Variants in TAF2 observed in about 807,000 individuals in gnomAD.
The protein encoded by TAF2 is transcription initiation factor TFIID subunit 2.
TAF2 carries 61 observed loss-of-function variants against 138.5 expected under a neutral mutation model. The observed-to-expected ratio is 0.44, with a 90% CI of 0.36 to 0.54. The LOEUF (loss-of-function observed/expected upper bound fraction) is 0.54. Among genes scored for constraint, TAF2 ranks in the 20% least tolerant of loss-of-function variants. TAF2 has a pLI of 0.00. For missense variants in TAF2, 1,090 were observed against 1,427.9 expected, an observed-to-expected ratio of 0.76 and a Z score of 3.81; for synonymous variants, 475 against 469.9, an observed-to-expected ratio of 1.01 and a Z score of -0.14.
chr8:119,762,912 G>A, intron 18 of TAF2: 2 of 201,224 alleles, frequency 9.9e-6, no homozygotes, highest in East Asian at 1.3e-4. Flanking sequence ...AGAGAAGGAA[G>A]CCACTAAAAA....
intron 18 of TAF2, among the ~76,000 whole-genome samples, chr8:119,770,845 C>T (rs1246097228): frequency 2.0e-5 from 3 of 152,132 alleles, no homozygotes; most frequent in African/African-American, 7.2e-5. Flanking sequence ...AGACTGAGGG[C>T]GGACTGCCTG....
intron 16 of TAF2, 144 bp from the exon 17 acceptor site, chr8:119,781,337 AT>A: frequency 2.0e-6 from 2 of 1,025,626 alleles, no homozygotes; most frequent in African/African-American, 1.6e-5. Context: ...ACAATTTAGC[AT>A]TTTATCACCA....
chr8:119,791,229 C>T (rs1823407130), intron 11 of TAF2, 95 bp downstream of exon 11: 2 of 1,451,244 alleles, frequency 1.4e-6, no homozygotes, highest in Admixed American at 3.8e-5. Context: ...ACTATAAATC[C>T]AGATGTCCTG....
chr8:119,760,559 C>T (rs1164593715), intron 20 of TAF2, 40 bp downstream of exon 20: 1 of 1,605,918 alleles, frequency 6.2e-7, no homozygotes, highest in Admixed American at 1.7e-5. Context: ...GTAAATAGTT[C>T]TTTCTAAAAT....
chr8:119,770,583 A>C, intron 18 of TAF2, among the ~76,000 whole-genome samples: 1 of 152,150 alleles, frequency 6.6e-6, no homozygotes, highest in African/African-American at 2.4e-5. Context: ...CCTATAATAA[A>C]TGCTCAAAGG....
intron 18 of TAF2, 146 bp from the exon 19 acceptor site, chr8:119,762,754 C>T: frequency 1.5e-6 from 1 of 646,004 alleles, no homozygotes; most frequent in Non-Finnish European, 2.6e-6. Context: ...TTCAACTCCA[C>T]CCTTTGCATG....
intron 2 of TAF2, among the ~76,000 whole-genome samples, chr8:119,823,226 T>G (rs752770246): frequency 6.6e-6 from 1 of 152,180 alleles, no homozygotes; most frequent in Non-Finnish European, 1.5e-5. Context: ...CTTGAAAAAG[T>G]AGAATATGTT....
intron 20 of TAF2, among the ~76,000 whole-genome samples, chr8:119,759,283 A>G (rs926547748): frequency 6.6e-6 from 1 of 152,146 alleles, no homozygotes; most frequent in African/African-American, 2.4e-5. Context: ...GGGTCAACAC[A>G]TAAGAATATA....
chr8:119,774,313 G>A (rs925654015), intron 18 of TAF2, among the ~76,000 whole-genome samples: 1 of 152,040 alleles, frequency 6.6e-6, no homozygotes, highest in Non-Finnish European at 1.5e-5. Flanking sequence ...CTGACTTAGA[G>A]AAAGATAACT....
chr8:119,803,786 T>C, intron 5 of TAF2, 92 bp downstream of exon 5: 1 of 1,204,684 alleles, frequency 8.3e-7, no homozygotes, highest in Non-Finnish European at 1.2e-6. Flanking sequence ...ATAAAACTAG[T>C]ATTTCTTGTT....
At chr8:119,733,271 G>A (rs962539148) in intron 25 of TAF2, among the ~76,000 whole-genome samples, 10 of 152,098 alleles carry the variant, frequency 6.6e-5, no homozygotes, top group African/African-American at 2.4e-4. Context: ...AATTTCTAGG[G>A]ATAGACAAAT....
chr8:119,762,660 A>T (rs1821147383), intron 18 of TAF2, 52 bp from the exon 19 acceptor site: 1 of 1,463,424 alleles, frequency 6.8e-7, no homozygotes, highest in South Asian at 1.3e-5. Context: ...CTTCTGATCA[A>T]AATTAACAAA....
At chr8:119,745,442 A>T (rs1819894316) in intron 23 of TAF2, among the ~76,000 whole-genome samples, 2 of 152,218 alleles carry the variant, frequency 1.3e-5, no homozygotes, top group African/African-American at 4.8e-5. Context: ...CATAACCCAA[A>T]CTCTAGGACA....
At chr8:119,785,502 A>G (rs1822951750) in intron 14 of TAF2, among the ~76,000 whole-genome samples, 1 of 152,224 alleles carries the variant, frequency 6.6e-6, no homozygotes, top group Non-Finnish European at 1.5e-5. Context: ...AGAAGCATGA[A>G]TATATAATAA....
intron 25 of TAF2, 95 bp from the exon 26 acceptor site, chr8:119,732,281 T>C: frequency 8.6e-7 from 1 of 1,168,772 alleles, no homozygotes; most frequent in Non-Finnish European, 1.3e-6. Context: ...TAAAGAGGGA[T>C]TCCTAAGTTT....
intron 22 of TAF2, 86 bp downstream of exon 22, chr8:119,755,920 T>C: frequency 9.1e-7 from 1 of 1,101,894 alleles, no homozygotes; most frequent in South Asian, 1.3e-5. Context: ...TTACCTTTAG[T>C]TCTAAATGCT....
At position 119,732,190 on chromosome 8, in the gene TAF2, C is replaced by A. The variant is rs754650096; in HGVS notation, c.3338-4G>T. The A allele has an allele frequency of 6.2e-7, 1 of 1,613,792 alleles. No individual in the cohort carries two copies. The highest frequency in any genetic ancestry group is 8.5e-7 in the Non-Finnish European group (1 of 1,179,778). ...TCCAAAGGTGCTTGTTCTTTACCTT[C>A]AAGATTAAAAATACCCAAATGAATT... On this transcript the variant is annotated splice_polypyrimidine_tract_variant and splice_region_variant and intron_variant, in intron 25 of 25. Coordinates refer to ENST00000378164, the MANE Select transcript of TAF2 (RefSeq NM_003184.4).
intron 14 of TAF2, among the ~76,000 whole-genome samples, chr8:119,786,166 T>C (rs1035100496): frequency 6.6e-6 from 1 of 152,158 alleles, no homozygotes; most frequent in Non-Finnish European, 1.5e-5. Flanking sequence ...TCAGAATACA[T>C]ACTAATTGTT....
At chr8:119,744,632 T>C in intron 23 of TAF2, 1 of 523,620 alleles carries the variant, frequency 1.9e-6, no homozygotes, top group Non-Finnish European at 3.4e-6. Context: ...AATCTACTCC[T>C]ATTTTGTGAG....
Sources: gnomAD v4.1 joint callset for allele counts (sites outside exome capture counted in the v4.1 genomes callset) on GRCh38, gnomAD v4.1.1 for gene constraint, MANE v1.5 for transcripts, NCBI Gene and HGNC (gene_info 2026-07-23, HGNC 2026-07-21) for gene names.